The following ZDHHC7 variants were observed in gnomAD, a reference collection of about 807,000 sequenced individuals.
ZDHHC7 encodes zDHHC palmitoyltransferase 7, also known as palmitoyltransferase ZDHHC7.
A neutral mutation model predicts 34.1 loss-of-function variants in ZDHHC7; 12 were observed. The ratio of observed to expected loss-of-function variants is 0.35; its 90% confidence interval spans 0.23 to 0.57. The LOEUF (loss-of-function observed/expected upper bound fraction) is 0.57. Among genes scored for constraint, ZDHHC7 ranks in the 20% least tolerant of loss-of-function variants. The probability of loss-of-function intolerance (pLI) is 0.84; values close to 1 mark genes in which losing one functional copy is unlikely to be tolerated. For synonymous variants in ZDHHC7, 185 were observed against 155.4 expected, an observed-to-expected ratio of 1.19 and a Z score of -1.42; for missense variants, 388 against 402.7, an observed-to-expected ratio of 0.96 and a Z score of 0.31.
upstream of ZDHHC7, among the ~76,000 whole-genome samples, chr16:85,013,191 A>G (rs1003305729): frequency 1.6e-4 from 24 of 152,138 alleles, no homozygotes; most frequent in African/African-American, 5.6e-4. Context: ...TGGAAGCTCA[A>G]AACTCCTTTG....
intron 3 of ZDHHC7, among the ~76,000 whole-genome samples, chr16:84,988,027 G>A (rs1218589869): frequency 6.6e-6 from 1 of 152,152 alleles, no homozygotes; most frequent in East Asian, 1.9e-4. Context: ...AAAATTAGCC[G>A]GGCATGGTGG....
Position 85,003,852 on chromosome 16 carries a change from G to A in ZDHHC7, c.-104+7434C>T, listed in dbSNP as rs368570961. 5.5e-4 allele frequency among the ~76,000 whole-genome samples: 83 copies of A among 152,230 alleles called. 1 individual carries two copies. In the South Asian group the frequency reaches 0.014, roughly 26 times the overall value. On this transcript the variant is annotated intron_variant, in intron 1 of 7. Transcript: ENST00000313732. ...GAGGGAACACCAGTCTCAGGAGTGA[G>A]GGGCCTGGGGGACAACACTGACTTC... is the stretch of plus-strand genomic sequence containing the variant.
At chr16:84,997,818 G>A (rs1226070615) in intron 1 of ZDHHC7, among the ~76,000 whole-genome samples, 25 of 147,586 alleles carry the variant, frequency 1.7e-4, no homozygotes, top group Admixed American at 1.4e-3. Context: ...GCATGAACCC[G>A]GGATGCGGAG....
In ZDHHC7 at chr16:84,981,990, G is replaced by A; in HGVS notation, c.320C>T (p.Ala107Val). 4 of 1,614,038 alleles carry A rather than the reference G, an allele frequency of 2.5e-6. No homozygotes were observed. The highest frequency in any genetic ancestry group is 3.4e-6 in the Non-Finnish European group (4 of 1,179,972). The change falls in exon 4 of 8, where the codon GCA becomes GTA. Residue 107 changes from alanine (A) to valine (V), a missense_variant. By Grantham distance (64) the Ala-to-Val change is moderately conservative (BLOSUM62 0). Coordinates refer to ENST00000313732, the MANE Select transcript of ZDHHC7 (RefSeq NM_017740.3). The stretch of plus-strand genomic sequence containing the variant: ...TTTCGTAGCGTTTCCTTTGGGTACT[G>A]CCCCCTACCATATAAGAAGAATGTA... ...HLRTMLTDPGAVPKGNATKEY... is the reference protein window; with the variant it reads ...HLRTMLTDPGVVPKGNATKEY...
intron 3 of ZDHHC7, among the ~76,000 whole-genome samples, chr16:84,987,272 C>T (rs1269003640): frequency 6.6e-6 from 1 of 152,200 alleles, no homozygotes; most frequent in South Asian, 2.1e-4. Flanking sequence ...AAAGAAGACA[C>T]ACAAATGGCC....
chr16:84,995,815 C>G lies in ZDHHC7; in HGVS notation c.-18+107G>C, dbSNP rs540896960. 7 of 152,200 alleles carry G rather than the reference C, an allele frequency of 4.6e-5. 1 individual carries two copies. Among genetic ancestry groups the G allele is most frequent in the Admixed American group, 2.6e-4 (4 of 15,282 alleles). 9.4% of individuals were successfully genotyped at this position (152,200 alleles called of 1,614,324 possible). A position where few individuals can be genotyped will look rare whatever the true frequency, so the allele number is the denominator to read the frequency against. On this transcript the variant is annotated intron_variant, in intron 2 of 7. Coordinates refer to ENST00000313732, the MANE Select transcript of ZDHHC7 (RefSeq NM_017740.3). ...AGGCGTGCCTGTCAGCTTGGCACCA[C>G]GCCTCTGCTTTGCCACATGCACAGG...
rs2072499365 is a variant in ZDHHC7 at position 84,990,746 on chromosome 16, C to A, written c.-17-111G>T. ...CCATTTCATGAAGTTAGTCTAAATA[C>A]ACATAGTGGGAAAGAACATAAAAAC... On this transcript the variant is annotated intron_variant, in intron 2 of 7. Transcript: ENST00000313732. The A allele has an allele frequency of 9.8e-6, 8 of 814,326 alleles. No individual in the cohort carries two copies. The South Asian group carries it at 1.1e-4, about 11-fold the overall frequency. The allele number at this position is 814,326 out of a possible 1,614,324, so 50.4% of individuals were successfully genotyped here. A position where few individuals can be genotyped will look rare whatever the true frequency, so the allele number is the denominator to read the frequency against.
At chr16:84,999,558 A>G (rs1030399296) in intron 1 of ZDHHC7, among the ~76,000 whole-genome samples, 1 of 152,236 alleles carries the variant, frequency 6.6e-6, no homozygotes. Context: ...TACTGATACA[A>G]GCAACATGGC....
the ZDHHC7 span, among the ~76,000 whole-genome samples, chr16:85,025,702 C>A: frequency 9.3e-4 from 141 of 152,316 alleles, no homozygotes; most frequent in Non-Finnish European, 1.4e-3. Context: ...GCCACCGCGC[C>A]CGGCCCCCTC....
At chr16:85,018,235 A>G in the ZDHHC7 span, among the ~76,000 whole-genome samples, 1 of 152,162 alleles carries the variant, frequency 6.6e-6, no homozygotes, top group Admixed American at 6.5e-5. Flanking sequence ...AATGTTGAGT[A>G]AAAGCAGGAA....
the ZDHHC7 span, among the ~76,000 whole-genome samples, chr16:85,017,103 C>T: frequency 6.6e-6 from 1 of 152,024 alleles, no homozygotes; most frequent in African/African-American, 2.4e-5. Flanking sequence ...ACCGCACCGG[C>T]CAACTTGTTC....
chr16:84,980,829 C>T (rs991568022), intron 4 of ZDHHC7, among the ~76,000 whole-genome samples: 1 of 152,190 alleles, frequency 6.6e-6, no homozygotes, highest in East Asian at 1.9e-4. Flanking sequence ...GCAGTCACTG[C>T]CTATTTCTAA....
At chr16:85,015,028 C>A (rs1280476188), upstream of ZDHHC7, among the ~76,000 whole-genome samples, 6 of 151,566 alleles carry the variant, frequency 4.0e-5, no homozygotes, top group African/African-American at 1.5e-4. Context: ...AGGAATGTGT[C>A]AGTTAAGGGG....
chr16:85,003,694 T>C lies in ZDHHC7; in HGVS notation c.-104+7592A>G, dbSNP rs910993138. Reference sequence around the variant, plus strand: ...TAAGTCATACGGTGAATAGTGACATTGCCTGACCTTTCTAGAAGGGCATTT... The same window carrying C: ...TAAGTCATACGGTGAATAGTGACATCGCCTGACCTTTCTAGAAGGGCATTT... On this transcript the variant is annotated intron_variant, in intron 1 of 7. Transcript: ENST00000313732. Among the ~76,000 whole-genome samples the C allele has an allele frequency of 8.5e-5, 13 of 152,326 alleles. No homozygotes were observed. The East Asian group carries it at 2.5e-3, about 29-fold the overall frequency.
intron 1 of ZDHHC7, among the ~76,000 whole-genome samples, chr16:85,010,541 T>C (rs1364462905): frequency 1.3e-5 from 2 of 152,214 alleles, no homozygotes; most frequent in Non-Finnish European, 1.5e-5. Context: ...TGCAACACTG[T>C]AGCAGCGATT....
At chr16:85,023,603 T>C in the ZDHHC7 span, among the ~76,000 whole-genome samples, 3 of 152,112 alleles carry the variant, frequency 2.0e-5, no homozygotes, top group Admixed American at 6.6e-5. Context: ...TTTGGACTCA[T>C]CCTCTATTCA....
intron 3 of ZDHHC7, among the ~76,000 whole-genome samples, chr16:84,987,421 T>C (rs2072450748): frequency 6.6e-6 from 1 of 151,920 alleles, no homozygotes; most frequent in African/African-American, 2.4e-5. Context: ...TGTAAAATGG[T>C]GTGGATGCTT....
In ZDHHC7 at chr16:84,977,978, C is replaced by G; in HGVS notation, c.565G>C (p.Ala189Pro). 1 of 1,613,994 alleles carries G rather than the reference C, an allele frequency of 6.2e-7. No homozygotes were observed. The highest frequency in any genetic ancestry group is 8.5e-7 in the Non-Finnish European group (1 of 1,179,896). ...AACTGAAATCCACAAAGGATCAGAG[C>G]ATGGACTGAAGACAGAGCTATATAC... ...TMYIALSSVH[A>P]LILCGFQFIS... Residue 189 changes from alanine to proline, a missense_variant, in exon 6 of 8, where the codon GCT becomes CCT. Coordinates refer to ENST00000313732, the MANE Select transcript of ZDHHC7 (RefSeq NM_017740.3).
intron 1 of ZDHHC7, among the ~76,000 whole-genome samples, chr16:85,000,700 A>G (rs2072641694): frequency 6.6e-6 from 1 of 152,206 alleles, no homozygotes; most frequent in Admixed American, 6.5e-5. Context: ...CCCTGCCATG[A>G]ACAGTCCACT....
Sources: gnomAD v4.1 joint callset for allele counts (sites outside exome capture counted in the v4.1 genomes callset) on GRCh38, gnomAD v4.1.1 for gene constraint, MANE v1.5 for transcripts, NCBI Gene and HGNC (gene_info 2026-07-23, HGNC 2026-07-21) for gene names.